HPSE2: variants seen among roughly 807,000 people sequenced by gnomAD.
HPSE2 encodes the protein inactive heparanase-2.
Under a neutral mutation model 60.5 loss-of-function variants are expected in HPSE2, and 38 were observed. The observed-to-expected ratio is 0.63, with a 90% CI of 0.48 to 0.82. The LOEUF is 0.82. HPSE2 is among the 40% of genes least tolerant of loss of function. The pLI is 0.00. For missense variants in HPSE2, 713 were observed against 740.4 expected, an observed-to-expected ratio of 0.96 and a Z score of 0.43; for synonymous variants, 295 against 293.2, an observed-to-expected ratio of 1.01 and a Z score of -0.06.
the HPSE2 span, among the ~76,000 whole-genome samples, chr10:99,264,951 A>T: frequency 1.3e-5 from 2 of 151,922 alleles, no homozygotes; most frequent in Admixed American, 1.3e-4. Flanking sequence ...CACCTCCCCA[A>T]CACTTCACCA....
intron 9 of HPSE2, among the ~76,000 whole-genome samples, chr10:98,563,863 C>T (rs1944262913): frequency 6.6e-6 from 1 of 152,100 alleles, no homozygotes. Flanking sequence ...AAGCAGGGGT[C>T]CTGGGGTCAG....
chr10:98,863,527 C>A (rs778049606), intron 3 of HPSE2, among the ~76,000 whole-genome samples: 2 of 152,144 alleles, frequency 1.3e-5, no homozygotes, highest in Non-Finnish European at 2.9e-5. Context: ...CTGTCCAATG[C>A]CACTGAAGGT....
chr10:98,837,752 C>T (rs867558393), intron 3 of HPSE2, among the ~76,000 whole-genome samples: 130 of 152,040 alleles, frequency 8.6e-4, no homozygotes, highest in African/African-American at 2.9e-3. Context: ...CGGGCGCCTG[C>T]AGTCCCAGCT....
chr10:98,729,123 C>T (rs999987059), intron 4 of HPSE2, among the ~76,000 whole-genome samples: 8 of 151,808 alleles, frequency 5.3e-5, no homozygotes, highest in African/African-American at 7.3e-5. Flanking sequence ...AAAAATGCCA[C>T]GAGATAAATG....
At chr10:98,557,759 G>A (rs1408441268) in intron 9 of HPSE2, among the ~76,000 whole-genome samples, 1 of 152,120 alleles carries the variant, frequency 6.6e-6, no homozygotes, top group Non-Finnish European at 1.5e-5. Flanking sequence ...GACCAGCCTG[G>A]CCAACATGGT....
chr10:98,805,700 A>C (rs1015186900), intron 3 of HPSE2, among the ~76,000 whole-genome samples: 2 of 152,184 alleles, frequency 1.3e-5, no homozygotes, highest in African/African-American at 4.8e-5. Context: ...AATAGACTAG[A>C]TATTTAGGTA....
rs138612522 is a variant in HPSE2 at position 98,671,571 on chromosome 10, T to C, written c.1004+22329A>G. On this transcript the variant is annotated intron_variant, in intron 6 of 11. Transcript: ENST00000370552. ...TCAAATAATAACTCTAGGTGAATAA[T>C]AGTGTTGCATTCAGTTTGCTAATAC... is the stretch of plus-strand genomic sequence containing the variant. Among the ~76,000 whole-genome samples, 133 of 152,308 alleles carry C rather than the reference T, an allele frequency of 8.7e-4. 1 individual carries two copies. The highest frequency in any genetic ancestry group is 3.1e-3 in the African/African-American group (129 of 41,572).
chr10:98,836,970 G>A (rs1328973860), intron 3 of HPSE2, among the ~76,000 whole-genome samples: 12 of 152,128 alleles, frequency 7.9e-5, no homozygotes, highest in African/African-American at 1.7e-4. Context: ...ACTGGGACCC[G>A]GGAGGCAGAG....
chr10:98,636,235 GTT>G (rs60736023), intron 7 of HPSE2, among the ~76,000 whole-genome samples: 14 of 147,130 alleles, frequency 9.5e-5, no homozygotes, highest in African/African-American at 2.0e-4. Flanking sequence ...GAATTATCCT[GTT>G]TTTTTTTTTG....
intron 6 of HPSE2, among the ~76,000 whole-genome samples, chr10:98,650,597 C>G (rs1020859028): frequency 4.6e-5 from 7 of 152,158 alleles, no homozygotes; most frequent in African/African-American, 1.4e-4. Flanking sequence ...TCATTCTAAT[C>G]CCATGCAAGA....
intron 3 of HPSE2, among the ~76,000 whole-genome samples, chr10:98,769,506 T>C (rs1950196821): frequency 6.6e-6 from 1 of 152,344 alleles, no homozygotes; most frequent in Non-Finnish European, 1.5e-5. Flanking sequence ...CAGTAACAAG[T>C]ATAACACTTC....
chr10:99,153,715 G>A (rs1309051257), intron 2 of HPSE2, among the ~76,000 whole-genome samples: 4 of 152,354 alleles, frequency 2.6e-5, no homozygotes, highest in Middle Eastern at 3.4e-3. Flanking sequence ...CCAAAGGAAC[G>A]CAGTTCCTCA....
rs1952665833 is a variant in HPSE2 at position 98,869,040 on chromosome 10, T to C, written c.611-124984A>G. Among the ~76,000 whole-genome samples the C allele has an allele frequency of 2.0e-5, 3 of 152,098 alleles. 1 individual carries two copies. The highest frequency in any genetic ancestry group is 4.4e-5 in the Non-Finnish European group (3 of 68,014). On this transcript the variant is annotated intron_variant, in intron 3 of 11. Transcript: ENST00000370552. ...TGTGTGTGTGGTGCGTATGTGTGCA[T>C]GTGAGTATGTGTATGTGTGCGCACG...
chr10:99,231,267 A>C (rs934238127), intron 2 of HPSE2, among the ~76,000 whole-genome samples: 1 of 152,242 alleles, frequency 6.6e-6, no homozygotes, highest in African/African-American at 2.4e-5. Context: ...CTGATTTGTA[A>C]GGACAAGATA....
At chr10:98,778,238 C>G (rs1274734979) in intron 3 of HPSE2, among the ~76,000 whole-genome samples, 1 of 71,914 alleles carries the variant, frequency 1.4e-5, no homozygotes, top group Non-Finnish European at 3.4e-5. Flanking sequence ...AATCTGGAGA[C>G]TGCAGGATGC....
chr10:98,597,248 C>T (rs1438591132), intron 9 of HPSE2, among the ~76,000 whole-genome samples: 2 of 152,110 alleles, frequency 1.3e-5, no homozygotes, highest in East Asian at 3.9e-4. Flanking sequence ...AGACCTTTGG[C>T]CTTCCTGTAC....
chr10:98,564,363 A>T (rs1417816394), intron 9 of HPSE2, among the ~76,000 whole-genome samples: 1 of 152,200 alleles, frequency 6.6e-6, no homozygotes, highest in Non-Finnish European at 1.5e-5. Flanking sequence ...TACTAAATTT[A>T]TAGGCATTTT....
At chr10:98,821,642 C>A (rs1951426914) in intron 3 of HPSE2, among the ~76,000 whole-genome samples, 3 of 152,166 alleles carry the variant, frequency 2.0e-5, no homozygotes, top group Admixed American at 2.0e-4. Flanking sequence ...ACACCAACAG[C>A]CGTTACGCCT....
At chr10:98,988,876 C>T (rs1169053419) in intron 3 of HPSE2, among the ~76,000 whole-genome samples, 1 of 138,376 alleles carries the variant, frequency 7.2e-6, no homozygotes, top group African/African-American at 2.7e-5. Context: ...ATTTATGCAG[C>T]CAAAAAACAC....
Sources: gnomAD v4.1 joint callset for allele counts (sites outside exome capture counted in the v4.1 genomes callset) on GRCh38, gnomAD v4.1.1 for gene constraint, MANE v1.5 for transcripts, NCBI Gene and HGNC (gene_info 2026-07-23, HGNC 2026-07-21) for gene names.